CDH13: variants seen among roughly 807,000 people sequenced by gnomAD.
CDH13 encodes cadherin-13.
In CDH13, 24 loss-of-function variants were observed where a neutral mutation model predicts 63.8. The observed-to-expected ratio is 0.38, with a 90% CI of 0.27 to 0.53. The LOEUF (loss-of-function observed/expected upper bound fraction) is 0.53. Ranked by LOEUF, CDH13 falls within the 20% of genes least tolerant of loss-of-function variation. The pLI, the probability that CDH13 is intolerant of heterozygous loss-of-function variation, is 0.85. For missense variants in CDH13, 1,049 were observed against 903.1 expected, an observed-to-expected ratio of 1.16 and a Z score of -2.07; for synonymous variants, 503 against 355.3, an observed-to-expected ratio of 1.42 and a Z score of -4.67.
At chr16:83,010,135 C>CAAAAAAAAAAAAAAAAAAAAAAAAAA (rs67985333) in intron 2 of CDH13, among the ~76,000 whole-genome samples, 3 of 50,118 alleles carry the variant, frequency 6.0e-5, no homozygotes, top group African/African-American at 9.2e-5. Flanking sequence ...AACTCTGTCT[C>CAAAAAAAAAAAAAAAAAAAAAAAAAA]AAAAAAAAAA....
At chr16:83,191,505 A>ATATATATATATATATATG (rs1491422081) in intron 4 of CDH13, among the ~76,000 whole-genome samples, 2 of 73,980 alleles carry the variant, frequency 2.7e-5, no homozygotes, top group Non-Finnish European at 5.8e-5. Flanking sequence ...ATATATATAT[A>ATATATATATATATATATG]CACACACACA....
chr16:83,400,333 T>C (rs2151441220), intron 6 of CDH13, among the ~76,000 whole-genome samples: 1 of 152,320 alleles, frequency 6.6e-6, no homozygotes, highest in Middle Eastern at 3.4e-3. Context: ...GGTGCTCTGA[T>C]GCAGGAAGTT....
At chr16:83,757,437 A>G (rs796855270) in intron 11 of CDH13, among the ~76,000 whole-genome samples, 7 of 152,116 alleles carry the variant, frequency 4.6e-5, no homozygotes, top group African/African-American at 1.7e-4. Flanking sequence ...GATTAGCTGG[A>G]TACAGTGGCA....
intron 2 of CDH13, among the ~76,000 whole-genome samples, chr16:82,927,155 A>C (rs1009502540): frequency 6.6e-6 from 1 of 152,116 alleles, no homozygotes; most frequent in African/African-American, 2.4e-5. Flanking sequence ...ACAGGATGGT[A>C]GGTGGTGCCA....
At chr16:83,718,772 A>G (rs1909285691) in intron 10 of CDH13, among the ~76,000 whole-genome samples, 1 of 152,070 alleles carries the variant, frequency 6.6e-6, no homozygotes. Context: ...CAGCTATTTC[A>G]ACATTTTCCT....
intron 1 of CDH13, among the ~76,000 whole-genome samples, chr16:82,648,996 G>A (rs3910225): frequency 0.19 from 28,705 of 151,886 alleles, 3,295 homozygotes; most frequent in African/African-American, 0.32. Flanking sequence ...GAGATGATGG[G>A]GAAGAAAGAG....
intron 1 of CDH13, among the ~76,000 whole-genome samples, chr16:82,784,588 C>T (rs1400351083): frequency 6.6e-6 from 1 of 152,092 alleles, no homozygotes; most frequent in Non-Finnish European, 1.5e-5. Context: ...ATGGTTAGAA[C>T]CTAGTGAGGG....
At chr16:83,531,231 G>C (rs937373822) in intron 7 of CDH13, among the ~76,000 whole-genome samples, 4 of 152,132 alleles carry the variant, frequency 2.6e-5, no homozygotes, top group Non-Finnish European at 4.4e-5. Flanking sequence ...CATGTAACTA[G>C]GCCTCTGGTC....
intron 4 of CDH13, among the ~76,000 whole-genome samples, chr16:83,166,268 C>T (rs1357354522): frequency 6.6e-6 from 1 of 152,044 alleles, no homozygotes; most frequent in Non-Finnish European, 1.5e-5. Flanking sequence ...AAATACCAGA[C>T]CTGACTATTT....
intron 10 of CDH13, among the ~76,000 whole-genome samples, chr16:83,714,378 C>G (rs1004463651): frequency 6.6e-5 from 10 of 152,100 alleles, no homozygotes; most frequent in African/African-American, 9.7e-5. Flanking sequence ...AAAAATTAAA[C>G]AAAACACTGT....
intron 7 of CDH13, among the ~76,000 whole-genome samples, chr16:83,494,696 A>C (rs1456146203): frequency 2.0e-5 from 3 of 152,232 alleles, no homozygotes; most frequent in African/African-American, 7.2e-5. Context: ...AGAGGCAATC[A>C]AAAGCTGCAA....
rs140693671 is a variant in CDH13 at position 83,218,495 on chromosome 16, T to A, written c.636+998T>A. Among the ~76,000 whole-genome samples the A allele has an allele frequency of 5.8e-4, 89 of 152,284 alleles. 1 individual carries two copies. Among genetic ancestry groups the A allele is most frequent in the African/African-American group, 2.0e-3 (84 of 41,544 alleles). On this transcript the variant is annotated intron_variant, in intron 5 of 13. Transcript: ENST00000567109. ...GAATCAGGTAGTTGTATAAATTGAATGTTGGTGACCTCAGAAATACCCAGT... is the reference window on the plus strand; with the variant it reads ...GAATCAGGTAGTTGTATAAATTGAAAGTTGGTGACCTCAGAAATACCCAGT...
At chr16:82,901,496 G>A (rs974936865) in intron 2 of CDH13, among the ~76,000 whole-genome samples, 1 of 152,008 alleles carries the variant, frequency 6.6e-6, no homozygotes, top group East Asian at 1.9e-4. Flanking sequence ...GAAATACTTA[G>A]TGAACAAGCA....
chr16:82,665,891 A>G (rs1416547766), intron 1 of CDH13, among the ~76,000 whole-genome samples: 1 of 152,180 alleles, frequency 6.6e-6, no homozygotes, highest in Non-Finnish European at 1.5e-5. Flanking sequence ...GTCTCATATA[A>G]GAGTATTGTA....
chr16:83,771,498 C>T (rs967290870), intron 11 of CDH13, among the ~76,000 whole-genome samples: 1 of 152,190 alleles, frequency 6.6e-6, no homozygotes, highest in Non-Finnish European at 1.5e-5. Context: ...AGGTTGAATG[C>T]CAGGAAGACC....
At chr16:83,273,088 C>G (rs765205514) in intron 5 of CDH13, among the ~76,000 whole-genome samples, 26 of 152,126 alleles carry the variant, frequency 1.7e-4, no homozygotes, top group Non-Finnish European at 3.4e-4. Context: ...CACCACAAAG[C>G]TGCTATCCAT....
chr16:83,076,510 T>G (rs557899336), intron 3 of CDH13, among the ~76,000 whole-genome samples: 2 of 152,290 alleles, frequency 1.3e-5, no homozygotes, highest in South Asian at 4.1e-4. Context: ...AGTATTTTAT[T>G]GTGAACATTT....
intron 11 of CDH13, among the ~76,000 whole-genome samples, chr16:83,768,441 T>C (rs1230550843): frequency 6.6e-6 from 1 of 152,124 alleles, no homozygotes; most frequent in Non-Finnish European, 1.5e-5. Context: ...TGACACCAGG[T>C]TGCAGCAGAG....
intron 3 of CDH13, among the ~76,000 whole-genome samples, chr16:83,093,273 C>G (rs890401398): frequency 2.5e-5 from 3 of 121,064 alleles, no homozygotes; most frequent in Admixed American, 9.3e-5. Context: ...TTGGATTTGT[C>G]CTGTGGAAAC....
Sources: gnomAD v4.1 joint callset for allele counts (sites outside exome capture counted in the v4.1 genomes callset) on GRCh38, gnomAD v4.1.1 for gene constraint, MANE v1.5 for transcripts, NCBI Gene and HGNC (gene_info 2026-07-23, HGNC 2026-07-21) for gene names.